The following MAN1A1 variants were observed in gnomAD, a reference collection of about 807,000 sequenced individuals.
The protein encoded by MAN1A1 is mannosyl-oligosaccharide 1,2-alpha-mannosidase IA.
MAN1A1 carries 29 observed loss-of-function variants against 70.8 expected under a neutral mutation model. The observed-to-expected ratio is 0.41, with a 90% CI of 0.31 to 0.56. The LOEUF (loss-of-function observed/expected upper bound fraction) is 0.56. Ranked by LOEUF, MAN1A1 falls within the 20% of genes least tolerant of loss-of-function variation. The pLI is 0.29. For missense variants in MAN1A1, 747 were observed against 841.3 expected (o/e 0.89, Z 1.39); for synonymous variants, 349 against 330.1 (o/e 1.06, Z -0.62).
At chr6:119,337,007 T>C (rs949075109) in intron 2 of MAN1A1, among the ~76,000 whole-genome samples, 1 of 152,162 alleles carries the variant, frequency 6.6e-6, no homozygotes, top group Non-Finnish European at 1.5e-5. Flanking sequence ...AATAACAGAA[T>C]CTTTATATTC....
chr6:119,197,560 A>G (rs948529123), intron 8 of MAN1A1, among the ~76,000 whole-genome samples: 1 of 152,190 alleles, frequency 6.6e-6, no homozygotes, highest in African/African-American at 2.4e-5. Context: ...GAATAGAGGA[A>G]AAGTGGATGC....
rs1257831105 is a variant in MAN1A1, at chr6:119,326,272, A to G, written c.604-19280T>C. ...TCTCTCTCTGGACATAAGCAGGCCG[A>G]GCTGTGTCCTGGCTCCTCACTGTCC... is the stretch of plus-strand genomic sequence containing the variant. On this transcript the variant is annotated intron_variant, in intron 2 of 12. Coordinates refer to ENST00000368468, the MANE Select transcript of MAN1A1 (RefSeq NM_005907.4). Among the ~76,000 whole-genome samples, 8 of 152,162 alleles carry G rather than the reference A, an allele frequency of 5.3e-5. No homozygotes were observed. In the East Asian group the frequency reaches 1.3e-3, roughly 26 times the overall value.
chr6:119,222,192 G>T (rs186900223), intron 6 of MAN1A1, among the ~76,000 whole-genome samples: 1 of 152,086 alleles, frequency 6.6e-6, no homozygotes, highest in Admixed American at 6.5e-5. Context: ...AGTACTGTTA[G>T]CATAAGATAA....
At chr6:119,293,701 G>A (rs1772116785) in intron 4 of MAN1A1, among the ~76,000 whole-genome samples, 1 of 152,008 alleles carries the variant, frequency 6.6e-6, no homozygotes, top group African/African-American at 2.4e-5. Context: ...GTTGTATTAT[G>A]TTTTTAGGCC....
intron 6 of MAN1A1, among the ~76,000 whole-genome samples, chr6:119,224,661 G>C (rs975838618): frequency 4.6e-5 from 7 of 152,158 alleles, no homozygotes; most frequent in Non-Finnish European, 8.8e-5. Context: ...ATAGGAAAAC[G>C]TGACCCATGC....
chr6:119,328,541 T>G (rs370043971), intron 2 of MAN1A1, among the ~76,000 whole-genome samples: 1 of 101,082 alleles, frequency 9.9e-6, no homozygotes, highest in Non-Finnish European at 1.9e-5. Flanking sequence ...AAGTGAGTCA[T>G]AAAAACAGAG....
At chr6:119,321,614 G>T (rs1227549087) in intron 2 of MAN1A1, among the ~76,000 whole-genome samples, 1 of 125,256 alleles carries the variant, frequency 8.0e-6, no homozygotes, top group Non-Finnish European at 1.6e-5. Context: ...TACATGGCCT[G>T]CAATTTTTTT....
intron 2 of MAN1A1, among the ~76,000 whole-genome samples, chr6:119,312,362 C>A (rs1172455210): frequency 6.6e-6 from 1 of 152,162 alleles, no homozygotes; most frequent in Non-Finnish European, 1.5e-5. Context: ...TTTTTAGGGT[C>A]ATTGAATTAA....
intron 5 of MAN1A1, among the ~76,000 whole-genome samples, chr6:119,256,165 T>C (rs1775452384): frequency 6.6e-6 from 1 of 152,188 alleles, no homozygotes; most frequent in Non-Finnish European, 1.5e-5. Flanking sequence ...AGCTGTCCTT[T>C]AGTCTTGAGT....
chr6:119,300,837 T>G (rs1171335633), intron 4 of MAN1A1, among the ~76,000 whole-genome samples: 1 of 152,258 alleles, frequency 6.6e-6, no homozygotes, highest in Non-Finnish European at 1.5e-5. Context: ...CAGACTCATC[T>G]GCCTGTCTTT....
At chr6:119,188,728 C>T in intron 10 of MAN1A1, 151 bp from the exon 11 acceptor site, 1 of 681,040 alleles carries the variant, frequency 1.5e-6, no homozygotes, top group South Asian at 2.0e-5. Flanking sequence ...TCCATGGATC[C>T]TTGAGTCCCT....
intron 2 of MAN1A1, among the ~76,000 whole-genome samples, chr6:119,326,193 C>T (rs891159130): frequency 6.6e-6 from 1 of 152,196 alleles, no homozygotes; most frequent in Admixed American, 6.5e-5. Flanking sequence ...GCTGCTCCCA[C>T]GTATACCTGT....
chr6:119,184,504 T>A (rs1317074908), intron 11 of MAN1A1, among the ~76,000 whole-genome samples: 2 of 152,036 alleles, frequency 1.3e-5, no homozygotes, highest in African/African-American at 4.8e-5. Context: ...TCGTCTGAAC[T>A]CAAGGATAGA....
At chr6:119,282,269 T>C (rs1776243561) in intron 5 of MAN1A1, among the ~76,000 whole-genome samples, 1 of 152,192 alleles carries the variant, frequency 6.6e-6, no homozygotes, top group Non-Finnish European at 1.5e-5. Context: ...ATAAAATTTT[T>C]ACAGCTTATA....
At chr6:119,286,937 C>T (rs575480815) in intron 5 of MAN1A1, among the ~76,000 whole-genome samples, 3 of 152,112 alleles carry the variant, frequency 2.0e-5, no homozygotes, top group Non-Finnish European at 2.9e-5. Flanking sequence ...GGCTCCTACA[C>T]GTCCTATCTC....
At chr6:119,336,083 T>G (rs1171567305) in intron 2 of MAN1A1, among the ~76,000 whole-genome samples, 1 of 152,182 alleles carries the variant, frequency 6.6e-6, no homozygotes, top group East Asian at 1.9e-4. Context: ...ATTATTATTT[T>G]TTTTGAGACA....
chr6:119,210,888 T>A (rs762716390), intron 6 of MAN1A1: 5 of 456,000 alleles, frequency 1.1e-5, no homozygotes, highest in South Asian at 7.8e-5. Flanking sequence ...ATATCCCACC[T>A]CATATGGTAG....
At chr6:119,223,999 A>G (rs1307917793) in intron 6 of MAN1A1, among the ~76,000 whole-genome samples, 1 of 152,214 alleles carries the variant, frequency 6.6e-6, no homozygotes, top group Non-Finnish European at 1.5e-5. Context: ...ATCTGATTTT[A>G]AAAAATTGCA....
upstream of MAN1A1, among the ~76,000 whole-genome samples, chr6:119,350,215 G>A (rs565750691): frequency 4.6e-4 from 70 of 152,290 alleles, no homozygotes; most frequent in African/African-American, 1.6e-3. Flanking sequence ...CGGGAAAGGC[G>A]GGGTCTGGCA....
Sources: gnomAD v4.1 joint callset for allele counts (sites outside exome capture counted in the v4.1 genomes callset) on GRCh38, gnomAD v4.1.1 for gene constraint, MANE v1.5 for transcripts, NCBI Gene and HGNC (gene_info 2026-07-23, HGNC 2026-07-21) for gene names.